Variants in TJP3 observed in about 807,000 individuals in gnomAD.
TJP3 encodes tight junction protein 3, also known as tight junction protein ZO-3.
TJP3 carries 85 observed loss-of-function variants against 104.2 expected under a neutral mutation model. The ratio of observed to expected loss-of-function variants is 0.82; its 90% confidence interval spans 0.68 to 0.98. TJP3 has a LOEUF of 0.98. Among genes scored for constraint, TJP3 ranks in the 50% least tolerant of loss-of-function variants. TJP3 has a pLI of 0.00. For missense variants in TJP3, 1,367 were observed against 1,322.8 expected (o/e 1.03, Z -0.52); for synonymous variants, 550 against 550.6 (o/e 1.00, Z 0.02).
chr19:3,709,149 C>T (rs1185718612), intron 1 of TJP3, among the ~76,000 whole-genome samples: 3 of 151,956 alleles, frequency 2.0e-5, no homozygotes, highest in African/African-American at 7.3e-5. Context: ...GAGTTTTGCT[C>T]TTGTTGCCCA....
rs768449857 is a variant in TJP3, at chr19:3,746,676, C to G, written c.2202C>G (p.His734Gln). 4.3e-6 allele frequency: 7 copies of G among 1,612,378 alleles called. No individual in the cohort carries two copies. The highest frequency in any genetic ancestry group is 5.1e-6 in the Non-Finnish European group (6 of 1,179,374). The change falls in exon 17 of 21, where the codon CAC becomes CAG. Residue 734 changes from histidine to glutamine, a missense_variant. Transcript: ENST00000541714. The surrounding 1 kb of genome is among the most constrained non-coding windows in gnomAD (Gnocchi z 4.1). ...CACAAGCCCAGAAGCTGCGAAAACA[C>G]AGCAGCCACCTCTTCACAGGTTGGG... The part of the protein sequence containing the change: ...LYAQAQKLRK[H>Q]SSHLFTATIP...
chr19:3,730,003 C>G lies in TJP3; in HGVS notation c.159-25C>G. On this transcript the variant is annotated intron_variant, in intron 3 of 20. Coordinates refer to ENST00000541714, the MANE Select transcript of TJP3 (RefSeq NM_001267560.2). The surrounding 1 kb of genome is among the most constrained non-coding windows in gnomAD (Gnocchi z 7.3). ...AGGGTCTCCCCTGCAAAGCCTCCTC[C>G]GTAAGACCCGCCCTCCTCTCTCAGG... 1 of 1,607,528 alleles carries G rather than the reference C, an allele frequency of 6.2e-7. No individual in the cohort carries two copies. Among genetic ancestry groups the G allele is most frequent in the Non-Finnish European group, 8.5e-7 (1 of 1,174,242 alleles).
rs2036598684 is a variant in TJP3 at position 3,726,601 on chromosome 19, T to TG, written c.-9-1823_-9-1822insG. On this transcript the variant is annotated intron_variant, in intron 1 of 20. Transcript: ENST00000541714. Reference sequence around the variant, plus strand: ...GCAACAGAGTTTTTTTTGTTTTTTTTTTTTCTAAGTGGGAAAGCCCAGGTG... The same window carrying TG: ...GCAACAGAGTTTTTTTTGTTTTTTTTGTTTTCTAAGTGGGAAAGCCCAGGTG... Among the ~76,000 whole-genome samples, 2 of 151,270 alleles carry TG rather than the reference T, an allele frequency of 1.3e-5. 1 individual carries two copies. Among genetic ancestry groups the TG allele is most frequent in the Admixed American group, 1.3e-4 (2 of 15,166 alleles).
chr19:3,709,095 G>A (rs2036410389), intron 1 of TJP3, among the ~76,000 whole-genome samples: 2 of 152,164 alleles, frequency 1.3e-5, no homozygotes, highest in African/African-American at 4.8e-5. Context: ...TTTGCAGGGA[G>A]GGATTGGGGT....
intron 3 of TJP3, among the ~76,000 whole-genome samples, chr19:3,729,805 T>C (rs933307953): frequency 6.7e-6 from 1 of 148,970 alleles, no homozygotes; most frequent in Admixed American, 6.7e-5. Context: ...AAAATGTAGC[T>C]TCCACTCTAT....
At chr19:3,718,949 C>T (rs1245350080) in intron 1 of TJP3, among the ~76,000 whole-genome samples, 1 of 151,206 alleles carries the variant, frequency 6.6e-6, no homozygotes, top group East Asian at 2.0e-4. Context: ...TTTCAGAGGC[C>T]GAGGTGGGTG....
Position 3,748,046 on chromosome 19 carries a change from G to C in TJP3, c.2575G>C (p.Asp859His), listed in dbSNP as rs765093977. Residue 859 changes from aspartate (D) to histidine (H), a missense_variant, in exon 19 of 21, where the codon GAT (aspartate) becomes CAT (histidine). Physicochemically the swap from Asp to His is moderately conservative, Grantham distance 81. Transcript: ENST00000541714. ...VQADESQSPR[D>H]RGRISAHQGA... is the part of the protein sequence containing the mutation. ...GGCAGATGAGTCCCAGAGCCCGAGGGATCGTGGGAGAATCTCGGCTCATCA... is the reference window on the plus strand; with the variant it reads ...GGCAGATGAGTCCCAGAGCCCGAGGCATCGTGGGAGAATCTCGGCTCATCA... 3 of 1,588,536 alleles carry C rather than the reference G, an allele frequency of 1.9e-6. No homozygotes were observed. Among genetic ancestry groups the C allele is most frequent in the Non-Finnish European group, 1.7e-6 (2 of 1,167,666 alleles).
chr19:3,709,612 G>A (rs991073779), intron 1 of TJP3, among the ~76,000 whole-genome samples: 1 of 152,162 alleles, frequency 6.6e-6, no homozygotes, highest in Admixed American at 6.5e-5. Flanking sequence ...AGGGTCCCCC[G>A]GGGCCGAGGA....
intron 1 of TJP3, among the ~76,000 whole-genome samples, chr19:3,726,026 C>T (rs1408943054): frequency 1.3e-5 from 2 of 152,050 alleles, no homozygotes; most frequent in East Asian, 3.9e-4. Flanking sequence ...ATGCTGGCCT[C>T]GCTAGAGACG....
At chr19:3,736,429 A>G in intron 11 of TJP3, 108 bp downstream of exon 11, 2 of 1,201,116 alleles carry the variant, frequency 1.7e-6, no homozygotes, top group African/African-American at 3.1e-5. Flanking sequence ...GGGACTGTCG[A>G]GACCCCAGAT....
intron 6 of TJP3, among the ~76,000 whole-genome samples, chr19:3,732,873 G>A (rs543504226): frequency 2.0e-5 from 3 of 151,914 alleles, no homozygotes; most frequent in East Asian, 1.9e-4. Flanking sequence ...TCGAACTCCC[G>A]ACCTCAGGTG....
intron 8 of TJP3, among the ~76,000 whole-genome samples, chr19:3,735,132 C>G (rs760640445): frequency 6.6e-6 from 1 of 152,022 alleles, no homozygotes; most frequent in Non-Finnish European, 1.5e-5. Flanking sequence ...TCCCAAAGTG[C>G]TGGTATTACA....
At position 3,735,923 on chromosome 19, in the gene TJP3, T is replaced by C. The variant is rs755198838; in HGVS notation, c.1115T>C (p.Met372Thr). The C allele has an allele frequency of 1.9e-6, 3 of 1,614,112 alleles. No individual in the cohort carries two copies. The highest frequency in any genetic ancestry group is 2.2e-5 in the East Asian group (1 of 44,874). The change falls in exon 10 of 21, where the codon ATG becomes ACG. Residue 372 changes from methionine (M) to threonine (T), a missense_variant. Met to Thr is a moderately conservative substitution (Grantham distance 81). Transcript: ENST00000541714. ...DIYRVPSSQS[M>T]EDRGYSPDTR... ...TACAGAGTGCCCAGCAGTCAGAGCA[T>C]GGAGGATCGTGGGTATGTACCCCAG...
intron 15 of TJP3, among the ~76,000 whole-genome samples, chr19:3,745,076 C>T (rs890748315): frequency 6.1e-5 from 9 of 148,176 alleles, no homozygotes; most frequent in South Asian, 2.1e-4. Flanking sequence ...AGCAAAATCA[C>T]GTTTCTATAA....
At position 3,746,493 on chromosome 19, in the gene TJP3, T is replaced by A. The variant is rs148817261; in HGVS notation, c.2019T>A (p.His673Gln). 6.7e-3 allele frequency: 10,823 copies of A among 1,613,834 alleles called. 44 individuals are homozygous for A. Among genetic ancestry groups the A allele is most frequent in the Non-Finnish European group, 8.5e-3 (10,072 of 1,179,984 alleles). ...TVRVIAEKDK[H>Q]ALLDVTPSAI... ...CCGCCGGCCTGGCCCAGGACAAGCA[T>A]GCGCTCCTGGATGTGACCCCCTCCG... is the stretch of plus-strand genomic sequence containing the variant. The change falls in exon 17 of 21, where the codon CAT (histidine) becomes CAA (glutamine). Residue 673 changes from histidine (H) to glutamine (Q), a missense_variant. Coordinates refer to ENST00000541714, the MANE Select transcript of TJP3 (RefSeq NM_001267560.2). This position sits in a 1 kb window ranked among gnomAD's most constrained non-coding sequence, Gnocchi z 4.1.
chr19:3,721,125 C>T (rs1309326513), intron 1 of TJP3, among the ~76,000 whole-genome samples: 1 of 152,090 alleles, frequency 6.6e-6, no homozygotes, highest in Admixed American at 6.6e-5. Flanking sequence ...TGGTCTCGAA[C>T]TGCTGACCTC....
Position 3,728,688 on chromosome 19 carries a change from G to A in TJP3, c.133G>A (p.Gly45Arg). 6.2e-7 allele frequency: 1 copy of A among 1,613,738 alleles called. No individual in the cohort carries two copies. The highest frequency in any genetic ancestry group is 8.5e-7 in the Non-Finnish European group (1 of 1,180,002). ...GSMVVSDVVP[G>R]GPAEGRLQTG... ...CATGGTTGTATCTGACGTGGTACCT[G>A]GAGGGCCGGCGGAGGGCAGGCTACA... Residue 45 changes from glycine (G) to arginine (R), a missense_variant, in exon 3 of 21, where the codon GGA becomes AGA. Coordinates refer to ENST00000541714, the MANE Select transcript of TJP3 (RefSeq NM_001267560.2).
At chr19:3,732,083 G>A (rs1342333955) in intron 6 of TJP3, 45 bp downstream of exon 6, 2 of 1,557,020 alleles carry the variant, frequency 1.3e-6, no homozygotes, top group Non-Finnish European at 1.8e-6. Context: ...ACAAGGCAGG[G>A]TTGGGGCGGG....
chr19:3,715,154 A>G (rs991744808), intron 1 of TJP3, among the ~76,000 whole-genome samples: 1 of 151,404 alleles, frequency 6.6e-6, no homozygotes, highest in Admixed American at 6.6e-5. Context: ...CAGTGGCGCA[A>G]TCTCGGCTCA....
Sources: allele counts gnomAD v4.1 joint callset (sites outside exome capture counted in the v4.1 genomes callset), GRCh38; gene constraint gnomAD v4.1.1; non-coding constraint Gnocchi (gnomAD v3.1); transcripts MANE v1.5; gene names NCBI Gene and HGNC (gene_info 2026-07-23, HGNC 2026-07-21).